Variants in SFMBT1 observed in about 807,000 individuals in gnomAD.
The protein encoded by SFMBT1 is scm-like with four MBT domains protein 1.
In SFMBT1, 32 loss-of-function variants were observed where a neutral mutation model predicts 108.7. The observed-to-expected ratio is 0.29, with a 90% CI of 0.22 to 0.40. The LOEUF (loss-of-function observed/expected upper bound fraction) is 0.40, where lower values mean the gene tolerates loss of function less well. SFMBT1 is among the 10% of genes least tolerant of loss of function. SFMBT1 has a pLI of 1.00. For missense variants in SFMBT1, 816 were observed against 1,059.6 expected (o/e 0.77, Z 3.19); for synonymous variants, 348 against 369.5 (o/e 0.94, Z 0.67).
intron 10 of SFMBT1, among the ~76,000 whole-genome samples, chr3:52,922,837 G>A (rs555290691): frequency 6.6e-5 from 10 of 152,274 alleles, no homozygotes; most frequent in South Asian, 4.1e-4. Context: ...CATGTATGTC[G>A]TGACCAAAAC....
At chr3:52,926,791 A>G (rs949470457) in intron 9 of SFMBT1, among the ~76,000 whole-genome samples, 1 of 152,100 alleles carries the variant, frequency 6.6e-6, no homozygotes, top group East Asian at 1.9e-4. Context: ...GCGAGGCCCA[A>G]CTGCCTACTG....
chr3:52,949,460 C>T (rs1227559044), intron 3 of SFMBT1, among the ~76,000 whole-genome samples: 1 of 151,924 alleles, frequency 6.6e-6, no homozygotes, highest in Non-Finnish European at 1.5e-5. Flanking sequence ...TGCAGTTCTA[C>T]CAGGTTTTGA....
At chr3:52,985,028 C>G (rs1388403211) in intron 1 of SFMBT1, among the ~76,000 whole-genome samples, 6 of 152,072 alleles carry the variant, frequency 3.9e-5, no homozygotes. Flanking sequence ...CTTATATTAT[C>G]TTATAGGCTG....
intron 8 of SFMBT1, among the ~76,000 whole-genome samples, chr3:52,928,952 G>A (rs1045509529): frequency 6.6e-6 from 1 of 151,808 alleles, no homozygotes; most frequent in East Asian, 1.9e-4. Context: ...CAATCCTCCT[G>A]CCTCAGCCTC....
intron 3 of SFMBT1, among the ~76,000 whole-genome samples, chr3:52,947,484 T>C (rs1703411555): frequency 6.6e-6 from 1 of 152,180 alleles, no homozygotes; most frequent in South Asian, 2.1e-4. Flanking sequence ...ATTTGTATGA[T>C]CTGATTATTA....
intron 2 of SFMBT1, among the ~76,000 whole-genome samples, chr3:52,958,048 T>C (rs1420206766): frequency 6.6e-6 from 1 of 152,170 alleles, no homozygotes; most frequent in Non-Finnish European, 1.5e-5. Context: ...AGAACATTTC[T>C]GTAATCTCTC....
chr3:52,948,179 A>G (rs1327272904), intron 3 of SFMBT1, among the ~76,000 whole-genome samples: 3 of 152,250 alleles, frequency 2.0e-5, no homozygotes, highest in Non-Finnish European at 4.4e-5. Context: ...AATATGGGTA[A>G]GGGTTTATTT....
intron 2 of SFMBT1, among the ~76,000 whole-genome samples, chr3:52,962,296 T>C (rs796368353): frequency 1.3e-5 from 2 of 152,350 alleles, no homozygotes; most frequent in East Asian, 1.9e-4. Context: ...AAGCCATTCA[T>C]TGTAGCACTA....
chr3:52,938,033 A>G (rs1340058067), intron 4 of SFMBT1, among the ~76,000 whole-genome samples: 2 of 151,834 alleles, frequency 1.3e-5, no homozygotes, highest in Non-Finnish European at 2.9e-5. Context: ...TTGTATGCAG[A>G]CCCTCCTCCT....
intron 10 of SFMBT1, among the ~76,000 whole-genome samples, chr3:52,923,652 A>C (rs1048640484): frequency 2.0e-5 from 3 of 152,266 alleles, no homozygotes; most frequent in East Asian, 3.9e-4. Context: ...ACTCAAAAGG[A>C]AGGCCGAAAG....
chr3:53,017,281 G>C (rs1452036279), intron 1 of SFMBT1, among the ~76,000 whole-genome samples: 1 of 152,094 alleles, frequency 6.6e-6, no homozygotes, highest in Non-Finnish European at 1.5e-5. Flanking sequence ...GTGATCTCTG[G>C]ATAAAACAGG....
chr3:52,942,444 T>C (rs957010525), intron 4 of SFMBT1, among the ~76,000 whole-genome samples: 3 of 152,198 alleles, frequency 2.0e-5, no homozygotes, highest in African/African-American at 7.2e-5. Flanking sequence ...TTCCATATGA[T>C]TCTCATAACT....
chr3:52,972,207 A>G (rs1704370223), intron 1 of SFMBT1, among the ~76,000 whole-genome samples: 1 of 152,240 alleles, frequency 6.6e-6, no homozygotes, highest in Admixed American at 6.5e-5. Context: ...AGAGAGCCAC[A>G]AAGTACAAAA....
At position 52,934,826 on chromosome 3, in the gene SFMBT1, G is replaced by C; in HGVS notation, c.440C>G (p.Pro147Arg). The change falls in exon 5 of 21, where the codon CCG becomes CGG. Residue 147 changes from proline to arginine, a missense_variant. By Grantham distance (103) the Pro-to-Arg change is moderately radical. Transcript: ENST00000394752. ...AGTAATACTCACGCCCTCTAGCAGC[G>C]GAACAGGAGGACTACATGCTCCTAT... is the stretch of plus-strand genomic sequence containing the variant. ...TLIGACSPPV[P>R]LLEGLRNGRN... is the part of the protein sequence containing the mutation. 1.2e-6 allele frequency: 2 copies of C among 1,613,150 alleles called. No homozygotes were observed. The highest frequency in any genetic ancestry group is 1.7e-6 in the Non-Finnish European group (2 of 1,179,574).
Position 52,998,440 on chromosome 3 carries a change from C to T in SFMBT1, c.-130-29182G>A, listed in dbSNP as rs1326704865. Among the ~76,000 whole-genome samples the T allele has an allele frequency of 2.7e-5, 4 of 150,352 alleles. 1 individual carries two copies. Among genetic ancestry groups the T allele is most frequent in the Non-Finnish European group, 6.0e-5 (4 of 67,060 alleles). On this transcript the variant is annotated intron_variant, in intron 1 of 20. Transcript: ENST00000394752. Reference sequence around the variant, plus strand: ...AATGTAGATCAATAATATTATTTTGCTGACGCATTGGAGAAAGTAAAGGCT... The same window carrying T: ...AATGTAGATCAATAATATTATTTTGTTGACGCATTGGAGAAAGTAAAGGCT...
At chr3:52,942,802 AC>A (rs1195568974) in intron 4 of SFMBT1, among the ~76,000 whole-genome samples, 1 of 152,146 alleles carries the variant, frequency 6.6e-6, no homozygotes, top group Non-Finnish European at 1.5e-5. Context: ...GGCATGGGCC[AC>A]CCCGCCCAGA....
intron 2 of SFMBT1, among the ~76,000 whole-genome samples, chr3:52,959,100 G>A (rs1703877693): frequency 6.6e-6 from 1 of 151,732 alleles, no homozygotes; most frequent in Admixed American, 6.6e-5. Context: ...CACATCGGGG[G>A]GAAAAGCATA....
chr3:52,926,063 C>G lies in SFMBT1; in HGVS notation c.1099G>C (p.Ala367Pro). The change falls in exon 10 of 21, where the codon GCT (alanine) becomes CCT (proline). Residue 367 changes from alanine to proline, a missense_variant. Physicochemically the swap from Ala to Pro is conservative, Grantham distance 27. Transcript: ENST00000394752. ...AAGCACCTCTGGGGAGCAGCTTCAG[C>G]ACCACACTGTTTGAGGTAGTCAGCC... is the stretch of plus-strand genomic sequence containing the variant. The part of the protein sequence containing the change: ...DWADYLKQCG[A>P]EAAPQRCFPP... The G allele has an allele frequency of 6.2e-7, 1 of 1,603,396 alleles. No homozygotes were observed.
intron 15 of SFMBT1, among the ~76,000 whole-genome samples, chr3:52,912,985 CAGCTG>C (rs1702252061): frequency 1.3e-5 from 2 of 152,164 alleles, no homozygotes; most frequent in African/African-American, 4.8e-5. Flanking sequence ...ACTGTGTAGA[CAGCTG>C]AGCCTTCTTG....
Sources: allele counts gnomAD v4.1 joint callset (sites outside exome capture counted in the v4.1 genomes callset), GRCh38; gene constraint gnomAD v4.1.1; transcripts MANE v1.5; gene names NCBI Gene and HGNC (gene_info 2026-07-23, HGNC 2026-07-21).